Variants in GALNTL6 observed in about 807,000 individuals in gnomAD.
GALNTL6 encodes the protein polypeptide N-acetylgalactosaminyltransferase like 6.
Under a neutral mutation model 73.7 loss-of-function variants are expected in GALNTL6, and 46 were observed. The ratio of observed to expected loss-of-function variants is 0.62; its 90% CI spans 0.49 to 0.80. The LOEUF (loss-of-function observed/expected upper bound fraction) is 0.80, where lower values mean the gene tolerates loss of function less well. Ranked by LOEUF, GALNTL6 falls within the 30% of genes least tolerant of loss-of-function variation. The probability of loss-of-function intolerance (pLI) is 0.00; values close to 1 mark genes in which losing one functional copy is unlikely to be tolerated. For missense variants in GALNTL6, 604 were observed against 755.0 expected (o/e 0.80, Z 2.34); for synonymous variants, 259 against 263.7 (o/e 0.98, Z 0.17).
At chr4:172,358,744 T>C (rs1256356468) in intron 5 of GALNTL6, among the ~76,000 whole-genome samples, 2 of 151,280 alleles carry the variant, frequency 1.3e-5, no homozygotes, top group African/African-American at 4.9e-5. Context: ...AAGACTGCGG[T>C]CAGAAGAATA....
chr4:172,010,445 A>G (rs1275526782), intron 2 of GALNTL6, among the ~76,000 whole-genome samples: 1 of 152,126 alleles, frequency 6.6e-6, no homozygotes, highest in Admixed American at 6.6e-5. Flanking sequence ...GGAGAAAATA[A>G]AGTTACAGCC....
chr4:172,208,023 A>G (rs1325095565), intron 2 of GALNTL6, among the ~76,000 whole-genome samples: 1 of 152,214 alleles, frequency 6.6e-6, no homozygotes, highest in Non-Finnish European at 1.5e-5. Context: ...GGAGTGAGGA[A>G]CCGAGTATTA....
intron 5 of GALNTL6, among the ~76,000 whole-genome samples, chr4:172,759,980 G>A (rs1044827927): frequency 6.6e-6 from 1 of 150,854 alleles, no homozygotes; most frequent in Non-Finnish European, 1.5e-5. Context: ...GGGACTACAG[G>A]CGCCCGCCAC....
intron 5 of GALNTL6, among the ~76,000 whole-genome samples, chr4:172,522,446 G>A (rs1197114521): frequency 1.3e-5 from 2 of 152,038 alleles, no homozygotes; most frequent in Admixed American, 6.6e-5. Flanking sequence ...TGAAGGGGGC[G>A]GATCACCTGA....
In GALNTL6 at chr4:172,696,186, G is replaced by C. The variant is rs544004784; in HGVS notation, c.554-113175G>C. On this transcript the variant is annotated intron_variant, in intron 5 of 12. Coordinates refer to ENST00000506823, the MANE Select transcript of GALNTL6 (RefSeq NM_001034845.3). ...GCCTAATGTGTCTCCAATCACTCTAGTTTCTATAGTGCAAGACTTGATCCA... is the reference window on the plus strand; with the variant it reads ...GCCTAATGTGTCTCCAATCACTCTACTTTCTATAGTGCAAGACTTGATCCA... 8.0e-4 allele frequency among the ~76,000 whole-genome samples: 122 copies of C among 152,182 alleles called. 2 individuals are homozygous for C. The highest frequency in any genetic ancestry group is 8.0e-3 in the Admixed American group (122 of 15,268).
chr4:171,916,939 C>T (rs755143008), intron 2 of GALNTL6, among the ~76,000 whole-genome samples: 26 of 152,054 alleles, frequency 1.7e-4, no homozygotes, highest in African/African-American at 3.9e-4. Flanking sequence ...GCACCACCCA[C>T]GCAGGGAGAG....
chr4:172,179,548 G>A (rs1426384071), intron 2 of GALNTL6, among the ~76,000 whole-genome samples: 5 of 142,088 alleles, frequency 3.5e-5, no homozygotes, highest in Admixed American at 2.1e-4. Context: ...TGTAGATTCT[G>A]GATATTAGCC....
intron 2 of GALNTL6, among the ~76,000 whole-genome samples, chr4:172,128,916 A>G (rs2111013815): frequency 1.3e-5 from 2 of 152,294 alleles, no homozygotes; most frequent in Middle Eastern, 3.4e-3. Context: ...TATGGCTCTG[A>G]GCTCAAGATT....
chr4:172,721,841 T>C (rs755017590), intron 5 of GALNTL6, among the ~76,000 whole-genome samples: 11 of 152,208 alleles, frequency 7.2e-5, no homozygotes, highest in Non-Finnish European at 1.2e-4. Flanking sequence ...AAGCACTGCA[T>C]ATGCAGTGCA....
chr4:172,521,445 A>G (rs1734770040), intron 5 of GALNTL6, among the ~76,000 whole-genome samples: 1 of 152,178 alleles, frequency 6.6e-6, no homozygotes, highest in African/African-American at 2.4e-5. Context: ...ACTATGATCT[A>G]AATATAACTA....
At chr4:172,181,873 G>A (rs1459799329) in intron 2 of GALNTL6, among the ~76,000 whole-genome samples, 1 of 151,660 alleles carries the variant, frequency 6.6e-6, no homozygotes, top group South Asian at 2.1e-4. Flanking sequence ...CCACCACCAC[G>A]CCCGGCTAAT....
At chr4:171,847,881 G>C (rs576298846) in intron 2 of GALNTL6, among the ~76,000 whole-genome samples, 1 of 152,128 alleles carries the variant, frequency 6.6e-6, no homozygotes, top group East Asian at 1.9e-4. Context: ...ATGAGCATTG[G>C]AATCAATTTC....
intron 2 of GALNTL6, among the ~76,000 whole-genome samples, chr4:172,143,506 TTTTTG>T (rs1733853005): frequency 6.6e-6 from 1 of 152,058 alleles, no homozygotes. Flanking sequence ...TTTGTTTTGT[TTTTTG>T]TTTTACCTTT....
intron 5 of GALNTL6, among the ~76,000 whole-genome samples, chr4:172,451,753 C>T (rs1009193328): frequency 1.3e-5 from 2 of 152,108 alleles, no homozygotes; most frequent in African/African-American, 4.8e-5. Context: ...TGCCTGTAAT[C>T]CCAGCACTTT....
intron 2 of GALNTL6, among the ~76,000 whole-genome samples, chr4:171,962,255 C>T (rs1396928130): frequency 1.3e-5 from 2 of 152,180 alleles, no homozygotes; most frequent in African/African-American, 2.4e-5. Context: ...ACAAGATCAA[C>T]TCCATCTTGA....
intron 5 of GALNTL6, among the ~76,000 whole-genome samples, chr4:172,657,782 C>A (rs1247662106): frequency 1.3e-5 from 2 of 151,854 alleles, no homozygotes; most frequent in Non-Finnish European, 2.9e-5. Flanking sequence ...ATTTCTATGG[C>A]AAGTGGGGTT....
chr4:172,663,057 G>A (rs1731464960), intron 5 of GALNTL6, among the ~76,000 whole-genome samples: 1 of 152,178 alleles, frequency 6.6e-6, no homozygotes, highest in African/African-American at 2.4e-5. Flanking sequence ...AGTAATGGAA[G>A]CACAATCCTT....
At chr4:172,013,660 A>C (rs1212887786) in intron 2 of GALNTL6, among the ~76,000 whole-genome samples, 1 of 152,078 alleles carries the variant, frequency 6.6e-6, no homozygotes, top group Non-Finnish European at 1.5e-5. Context: ...ACATCAGGGT[A>C]AAAAGGCCAT....
At chr4:172,597,125 A>C (rs572138303) in intron 5 of GALNTL6, among the ~76,000 whole-genome samples, 6 of 152,206 alleles carry the variant, frequency 3.9e-5, no homozygotes, top group African/African-American at 1.4e-4. Flanking sequence ...ATATTGCCAG[A>C]TGTAATTAAT....
Sources: gnomAD v4.1 joint callset for allele counts (sites outside exome capture counted in the v4.1 genomes callset) on GRCh38, gnomAD v4.1.1 for gene constraint, MANE v1.5 for transcripts, NCBI Gene and HGNC (gene_info 2026-07-23, HGNC 2026-07-21) for gene names.